The following AKT3 variants were observed in gnomAD, a reference collection of about 807,000 sequenced individuals.
AKT3 encodes the protein AKT serine/threonine kinase 3.
AKT3 carries 15 observed loss-of-function variants against 65.3 expected under a neutral mutation model. The observed-to-expected ratio is 0.23, with a 90% confidence interval of 0.15 to 0.35. The LOEUF is 0.35. Among genes scored for constraint, AKT3 ranks in the 10% least tolerant of loss-of-function variants. The probability of loss-of-function intolerance (pLI) is 1.00; values close to 1 mark genes in which losing one functional copy is unlikely to be tolerated. For synonymous variants in AKT3, 206 were observed against 183.8 expected (o/e 1.12, Z -0.98); for missense variants, 243 against 576.5 (o/e 0.42, Z 5.92).
In AKT3 at chr1:243,557,115, G is replaced by A. The variant is rs572119085; in HGVS notation, c.949-4172C>T. ...CTGGCTAGCACAGGAAAAATCCTTT[G>A]ACAAGAGAAAGGCTAAATGGATACA... On this transcript the variant is annotated intron_variant, in intron 10 of 13. Transcript: ENST00000673466. Among the ~76,000 whole-genome samples, 5 of 152,132 alleles carry A rather than the reference G, an allele frequency of 3.3e-5. No homozygotes were observed. The South Asian group carries it at 1.0e-3, about 32-fold the overall frequency.
intron 2 of AKT3, among the ~76,000 whole-genome samples, chr1:243,822,210 A>G (rs904291485): frequency 2.6e-5 from 4 of 152,228 alleles, no homozygotes; most frequent in Non-Finnish European, 5.9e-5. Context: ...GCAGAAATCA[A>G]GAAGTTCCTT....
chr1:243,514,092 G>A (rs889834710), intron 12 of AKT3, among the ~76,000 whole-genome samples: 8 of 152,160 alleles, frequency 5.3e-5, no homozygotes, highest in Non-Finnish European at 1.2e-4. Context: ...TTCTGGTTGG[G>A]TTTTTCTGAT....
intron 8 of AKT3, among the ~76,000 whole-genome samples, chr1:243,588,202 C>T (rs1263109653): frequency 6.6e-6 from 1 of 152,138 alleles, no homozygotes; most frequent in Non-Finnish European, 1.5e-5. Flanking sequence ...ACAGAATCTG[C>T]ACAGTTGAGT....
intron 5 of AKT3, among the ~76,000 whole-genome samples, chr1:243,642,224 T>A (rs1157385110): frequency 6.6e-6 from 1 of 152,256 alleles, no homozygotes; most frequent in East Asian, 1.9e-4. Context: ...AATTGTGTAG[T>A]CTTTACAAAT....
intron 2 of AKT3, among the ~76,000 whole-genome samples, chr1:243,748,024 T>C (rs975513860): frequency 3.9e-5 from 6 of 152,212 alleles, no homozygotes; most frequent in Admixed American, 1.3e-4. Flanking sequence ...AGCAATGCTG[T>C]ATAATCTCAC....
At chr1:243,789,419 C>T (rs983129452) in intron 2 of AKT3, among the ~76,000 whole-genome samples, 2 of 152,184 alleles carry the variant, frequency 1.3e-5, no homozygotes, top group Non-Finnish European at 2.9e-5. Context: ...AGATAAAAAA[C>T]AGCAACTCCT....
At chr1:243,690,685 C>G (rs996239320) in intron 3 of AKT3, among the ~76,000 whole-genome samples, 2 of 151,248 alleles carry the variant, frequency 1.3e-5, no homozygotes, top group African/African-American at 4.9e-5. Flanking sequence ...AAATGGGGCC[C>G]CAAATCAGGT....
intron 2 of AKT3, among the ~76,000 whole-genome samples, chr1:243,708,733 T>C (rs1323646913): frequency 6.6e-6 from 1 of 151,998 alleles, no homozygotes; most frequent in Non-Finnish European, 1.5e-5. Flanking sequence ...TTGCTCTCTG[T>C]AGAATAATTT....
At chr1:243,816,141 T>C (rs1363051605) in intron 2 of AKT3, among the ~76,000 whole-genome samples, 2 of 152,148 alleles carry the variant, frequency 1.3e-5, no homozygotes, top group African/African-American at 2.4e-5. Context: ...AAGTTCATGA[T>C]AGTTTTTGGC....
At chr1:243,828,986 T>C (rs1694339779) in intron 2 of AKT3, among the ~76,000 whole-genome samples, 1 of 152,214 alleles carries the variant, frequency 6.6e-6, no homozygotes, top group South Asian at 2.1e-4. Context: ...CGGTATCATT[T>C]ATGTAATGTG....
chr1:243,647,297 T>G (rs1385647328), intron 4 of AKT3, among the ~76,000 whole-genome samples: 1 of 152,224 alleles, frequency 6.6e-6, no homozygotes, highest in Non-Finnish European at 1.5e-5. Context: ...TGCTTATATG[T>G]TTAGATACAT....
In AKT3 at chr1:243,502,231, TAGAG is replaced by T. The variant is rs1304872234; in HGVS notation, c.*3014_*3017del. 4.3e-6 allele frequency: 1 copy of T among 232,446 alleles called. No homozygotes were observed. Among genetic ancestry groups the T allele is most frequent in the African/African-American group, 2.2e-5 (1 of 45,262 alleles). 14.4% of individuals were successfully genotyped at this position (232,446 alleles called of 1,614,324 possible). ...GCAAAGTGTGTATGTTGAGGTGTAA[TAGAG>T]AGACCCTGCAGTTAGTAAGGAAGGC... On this transcript the variant is annotated 3_prime_UTR_variant, in exon 14 of 14. Coordinates refer to ENST00000673466, the MANE Select transcript of AKT3 (RefSeq NM_005465.7).
At chr1:243,573,361 T>C (rs769110528) in intron 8 of AKT3, among the ~76,000 whole-genome samples, 1 of 152,170 alleles carries the variant, frequency 6.6e-6, no homozygotes, top group Non-Finnish European at 1.5e-5. Context: ...CTCACTATAC[T>C]GTTGCTTCAC....
chr1:243,682,013 A>C (rs1333389932), intron 3 of AKT3, among the ~76,000 whole-genome samples: 2 of 152,126 alleles, frequency 1.3e-5, no homozygotes, highest in Non-Finnish European at 2.9e-5. Context: ...TATAATGGGC[A>C]AACAATCATC....
chr1:243,600,880 T>C (rs1016954356), intron 8 of AKT3, among the ~76,000 whole-genome samples: 9 of 152,084 alleles, frequency 5.9e-5, no homozygotes, highest in Non-Finnish European at 1.0e-4. Context: ...AATTTAGAAG[T>C]CTGCCCTTCA....
At position 243,739,836 on chromosome 1, in the gene AKT3, T is replaced by C. The variant is rs116579121; in HGVS notation, c.47-44120A>G. ...AAATCCCGGAACATGCTGAACTTTG[T>C]CCCCTTTGGCATGTGCTGCTAGTCC... is the stretch of plus-strand genomic sequence containing the variant. On this transcript the variant is annotated intron_variant, in intron 2 of 13. Transcript: ENST00000673466. 5.1e-3 allele frequency among the ~76,000 whole-genome samples: 779 copies of C among 152,344 alleles called. 9 individuals are homozygous for C. Among genetic ancestry groups the C allele is most frequent in the African/African-American group, 0.018 (739 of 41,574 alleles).
intron 8 of AKT3, among the ~76,000 whole-genome samples, chr1:243,588,493 A>G (rs1558636170): frequency 6.6e-6 from 1 of 152,218 alleles, no homozygotes; most frequent in Non-Finnish European, 1.5e-5. Flanking sequence ...ATAAAAACTA[A>G]CACTCTGACA....
chr1:243,845,609 G>GA (rs1310765791), intron 1 of AKT3, among the ~76,000 whole-genome samples: 15 of 100,772 alleles, frequency 1.5e-4, no homozygotes, highest in Admixed American at 3.0e-4. Context: ...AAAAAGAAAA[G>GA]AAAAGAAAAA....
chr1:243,659,544 G>A (rs2147897653), intron 4 of AKT3, among the ~76,000 whole-genome samples: 1 of 152,208 alleles, frequency 6.6e-6, no homozygotes, highest in East Asian at 1.9e-4. Context: ...GCCATGTGGT[G>A]TTAATGCTAG....
Sources: allele counts gnomAD v4.1 joint callset (sites outside exome capture counted in the v4.1 genomes callset), GRCh38; gene constraint gnomAD v4.1.1; transcripts MANE v1.5; gene names NCBI Gene and HGNC (gene_info 2026-07-23, HGNC 2026-07-21).